The following FOXP4 variants were observed in gnomAD, a reference collection of about 807,000 sequenced individuals.
FOXP4 encodes the protein forkhead box P4.
In FOXP4, 25 loss-of-function variants were observed where a neutral mutation model predicts 82.6. That is an observed-to-expected ratio of 0.30 (90% CI 0.22 to 0.42). The LOEUF is 0.42. Ranked by LOEUF, FOXP4 falls within the 10% of genes least tolerant of loss-of-function variation. FOXP4 has a pLI of 1.00. For synonymous variants in FOXP4, 415 were observed against 388.2 expected (o/e 1.07, Z -0.81); for missense variants, 785 against 900.9 (o/e 0.87, Z 1.65).
chr6:41,547,020 G>A (rs1198069416), intron 1 of FOXP4, among the ~76,000 whole-genome samples, 153 bp downstream of exon 1: 2 of 151,528 alleles, frequency 1.3e-5, no homozygotes, highest in African/African-American at 4.8e-5. Context: ...GCGCCAGGAG[G>A]AGCCGGGCCC....
rs541173006 is a variant in FOXP4 at position 41,570,487 on chromosome 6, G to A, written c.204+4523G>A. ...ATCCCCCTTGTTGTACCCCTCCCAG[G>A]TCCCTGAGAGCCAAAGACCGCCCTG... is the stretch of plus-strand genomic sequence containing the variant. On this transcript the variant is annotated intron_variant, in intron 2 of 16. Coordinates refer to ENST00000307972, the MANE Select transcript of FOXP4 (RefSeq NM_001012426.2). 57 of 428,484 alleles carry A rather than the reference G, an allele frequency of 1.3e-4. No individual in the cohort carries two copies. In the East Asian group the frequency reaches 3.8e-3, roughly 28 times the overall value. 26.5% of individuals were successfully genotyped at this position (428,484 alleles called of 1,614,324 possible).
intron 14 of FOXP4, among the ~76,000 whole-genome samples, 190 bp from the exon 15 acceptor site, chr6:41,596,986 A>G (rs1304466927): frequency 6.6e-6 from 1 of 152,156 alleles, no homozygotes; most frequent in Non-Finnish European, 1.5e-5. Flanking sequence ...CTGCAGGGCC[A>G]GTTGAGCGTG....
At chr6:41,585,849 T>C (rs921601851) in intron 5 of FOXP4, among the ~76,000 whole-genome samples, 4 of 151,948 alleles carry the variant, frequency 2.6e-5, no homozygotes, top group Non-Finnish European at 5.9e-5. Flanking sequence ...CCTGCCCCCT[T>C]GTCTCTTTGT....
chr6:41,553,835 G>A lies in FOXP4; in HGVS notation c.-17+6968G>A, dbSNP rs367930962. Among the ~76,000 whole-genome samples, 254 of 152,286 alleles carry A rather than the reference G, an allele frequency of 1.7e-3. 5 individuals are homozygous for A. In the South Asian group the frequency reaches 0.046, roughly 27 times the overall value. Reference sequence around the variant, plus strand: ...CCAGAACTGATCCATTAAAACACAGGGCAGAGGGCATAGGTGTGTGGTACC... The same window carrying A: ...CCAGAACTGATCCATTAAAACACAGAGCAGAGGGCATAGGTGTGTGGTACC... On this transcript the variant is annotated intron_variant, in intron 1 of 16. Coordinates refer to ENST00000307972, the MANE Select transcript of FOXP4 (RefSeq NM_001012426.2).
chr6:41,561,034 T>C (rs1252354766), intron 1 of FOXP4, among the ~76,000 whole-genome samples: 3 of 152,158 alleles, frequency 2.0e-5, no homozygotes. Context: ...GCGTCCCTCG[T>C]TGCGCACTCG....
intron 1 of FOXP4, among the ~76,000 whole-genome samples, chr6:41,564,464 A>C (rs1402496724): frequency 1.3e-5 from 2 of 152,174 alleles, no homozygotes; most frequent in African/African-American, 4.8e-5. Flanking sequence ...TTTAAAAGCT[A>C]TTGGAACCTC....
chr6:41,585,283 C>T (rs1766041067), intron 4 of FOXP4, 148 bp from the exon 5 acceptor site: 1 of 775,872 alleles, frequency 1.3e-6, no homozygotes, highest in African/African-American at 1.8e-5. Flanking sequence ...CCAGACCCTG[C>T]TCAGGGCCCC....
chr6:41,587,695 C>T, intron 7 of FOXP4, 98 bp from the exon 8 acceptor site: 1 of 945,058 alleles, frequency 1.1e-6, no homozygotes, highest in Non-Finnish European at 1.6e-6. Context: ...TGTATTGGGG[C>T]AGAAATGTCA....
At chr6:41,583,036 C>T (rs1765891736) in intron 3 of FOXP4, among the ~76,000 whole-genome samples, 2 of 152,150 alleles carry the variant, frequency 1.3e-5, no homozygotes, top group Non-Finnish European at 2.9e-5. Flanking sequence ...ACAACAACAA[C>T]AAAGAACAAA....
At chr6:41,557,728 G>A (rs184413873) in intron 1 of FOXP4, among the ~76,000 whole-genome samples, 202 of 152,254 alleles carry the variant, frequency 1.3e-3, no homozygotes, top group African/African-American at 4.7e-3. Context: ...GACCAGAAAG[G>A]CTATATATCC....
At position 41,594,799 on chromosome 6, in the gene FOXP4, G is replaced by A; in HGVS notation, c.1537-71G>A. Reference sequence around the variant, plus strand: ...GCCGCTGCTGCGTGGGACATGGGATGGGATGAGGACTATCATGTTTGTGCT... The same window carrying A: ...GCCGCTGCTGCGTGGGACATGGGATAGGATGAGGACTATCATGTTTGTGCT... On this transcript the variant is annotated intron_variant, in intron 13 of 16. Transcript: ENST00000307972. 10 of 1,592,958 alleles carry A rather than the reference G, an allele frequency of 6.3e-6. No homozygotes were observed. In the South Asian group the frequency reaches 8.9e-5, roughly 14 times the overall value.
Position 41,551,023 on chromosome 6 carries a change from A to T in FOXP4, c.-17+4156A>T, listed in dbSNP as rs1025212783. ...GAGCCTGAAGTTATTGGCTCCCTTCAGCGTTGCCTCCCAGGATTCTCTGTG... is the reference window on the plus strand; with the variant it reads ...GAGCCTGAAGTTATTGGCTCCCTTCTGCGTTGCCTCCCAGGATTCTCTGTG... On this transcript the variant is annotated intron_variant, in intron 1 of 16. Coordinates refer to ENST00000307972, the MANE Select transcript of FOXP4 (RefSeq NM_001012426.2). 2.0e-5 allele frequency among the ~76,000 whole-genome samples: 3 copies of T among 152,326 alleles called. No individual in the cohort carries two copies. In the East Asian group the frequency reaches 5.8e-4, roughly 29 times the overall value.
At chr6:41,581,797 C>T (rs1323751532) in intron 3 of FOXP4, among the ~76,000 whole-genome samples, 2 of 152,272 alleles carry the variant, frequency 1.3e-5, no homozygotes, top group African/African-American at 2.4e-5. Flanking sequence ...AGCCAAGTGG[C>T]AGGAAAAGCA....
chr6:41,552,750 C>T (rs879599677), intron 1 of FOXP4, among the ~76,000 whole-genome samples: 7 of 152,104 alleles, frequency 4.6e-5, no homozygotes, highest in African/African-American at 7.2e-5. Flanking sequence ...GAAGAGGGGA[C>T]GGCTCAGGCA....
chr6:41,598,532 C>T (rs762040863), intron 16 of FOXP4, among the ~76,000 whole-genome samples: 24 of 152,136 alleles, frequency 1.6e-4, no homozygotes, highest in Non-Finnish European at 3.1e-4. Context: ...TTCTATCTTT[C>T]TTCTCCTTCC....
chr6:41,578,682 G>A (rs1292024886), intron 3 of FOXP4, among the ~76,000 whole-genome samples: 1 of 141,328 alleles, frequency 7.1e-6, no homozygotes, highest in African/African-American at 2.6e-5. Context: ...AGCCCATCTG[G>A]CTGGCTGGGG....
chr6:41,559,848 C>T (rs1336378459), intron 1 of FOXP4, among the ~76,000 whole-genome samples: 3 of 152,100 alleles, frequency 2.0e-5, no homozygotes, highest in Middle Eastern at 3.2e-3. Context: ...ATTCCCAGGC[C>T]CACTCCAGAC....
rs1218421923 is a variant in FOXP4 at position 41,588,696 on chromosome 6, G to T, written c.1030G>T (p.Val344Leu). 1 of 1,613,850 alleles carries T rather than the reference G, an allele frequency of 6.2e-7. No homozygotes were observed. Among genetic ancestry groups the T allele is most frequent in the Admixed American group, 1.7e-5 (1 of 60,010 alleles). ...TGACCGGAGTACAGCCCAGTGCCGGGTACAGATGCAGGTGGTGCAGCAGCT... is the reference window on the plus strand; with the variant it reads ...TGACCGGAGTACAGCCCAGTGCCGGTTACAGATGCAGGTGGTGCAGCAGCT... ...LDDRSTAQCR[V>L]QMQVVQQLEI... Residue 344 changes from valine to leucine, a missense_variant, in exon 9 of 17, where the codon GTA (valine) becomes TTA (leucine). Around this residue, in one of 3 missense-constraint regions of FOXP4, gnomAD observed 570 missense variants for 634.0 expected, o/e 0.90. Coordinates refer to ENST00000307972, the MANE Select transcript of FOXP4 (RefSeq NM_001012426.2).
At chr6:41,585,640 G>A (rs1481445928) in intron 5 of FOXP4, 123 bp downstream of exon 5, 1 of 861,074 alleles carries the variant, frequency 1.2e-6, no homozygotes, top group Non-Finnish European at 1.8e-6. Flanking sequence ...GGCTGAGGAA[G>A]GGGACCAAGG....
Sources: allele counts gnomAD v4.1 joint callset (sites outside exome capture counted in the v4.1 genomes callset), GRCh38; gene constraint gnomAD v4.1.1; regional missense constraint gnomAD v4.1.1; transcripts MANE v1.5; gene names NCBI Gene and HGNC (gene_info 2026-07-23, HGNC 2026-07-21).